The following SNRK variants were observed in gnomAD, a reference collection of about 807,000 sequenced individuals.
SNRK encodes SNF-related serine/threonine-protein kinase.
Under a neutral mutation model 48.2 loss-of-function variants are expected in SNRK, and 3 were observed. The ratio of observed to expected loss-of-function variants is 0.06; its 90% CI spans 0.03 to 0.16. The LOEUF is 0.16. Ranked by LOEUF, SNRK falls within the 10% of genes least tolerant of loss-of-function variation. SNRK has a pLI of 1.00. For synonymous variants in SNRK, 376 were observed against 366.1 expected, an observed-to-expected ratio of 1.03 and a Z score of -0.31; for missense variants, 627 against 976.0, an observed-to-expected ratio of 0.64 and a Z score of 4.76.
rs377035294 is a variant in SNRK, at chr3:43,329,737, A to G, written c.590-2432A>G. Among the ~76,000 whole-genome samples the G allele has an allele frequency of 1.8e-4, 27 of 152,292 alleles. 1 individual carries two copies. The East Asian group carries it at 5.2e-3, about 29-fold the overall frequency. On this transcript the variant is annotated intron_variant, in intron 3 of 6. Transcript: ENST00000296088. Reference sequence around the variant, plus strand: ...TTCTTTTTTATTATTCTAATCATGTATCACATCATAACAAGCCGAGTGTGT... The same window carrying G: ...TTCTTTTTTATTATTCTAATCATGTGTCACATCATAACAAGCCGAGTGTGT...
intron 4 of SNRK, among the ~76,000 whole-genome samples, chr3:43,337,381 G>A (rs771933769): frequency 5.3e-5 from 8 of 152,046 alleles, no homozygotes; most frequent in Non-Finnish European, 1.2e-4. Flanking sequence ...GGGGCCTCAT[G>A]TTTTTATACT....
chr3:43,324,015 A>C (rs1323953950), intron 3 of SNRK, among the ~76,000 whole-genome samples: 2 of 152,180 alleles, frequency 1.3e-5, no homozygotes, highest in Admixed American at 1.3e-4. Flanking sequence ...ATGTGACTGC[A>C]TTTGTCAGAA....
At chr3:43,312,857 TACACATCTAACAGA>T (rs144421659) in intron 3 of SNRK, among the ~76,000 whole-genome samples, 70 of 152,286 alleles carry the variant, frequency 4.6e-4, no homozygotes, top group African/African-American at 1.5e-3. Context: ...AATACCTAGA[TACACATCTAACAGA>T]ACACATCTAA....
intron 1 of SNRK, among the ~76,000 whole-genome samples, chr3:43,299,019 G>T (rs1335299905): frequency 6.6e-6 from 1 of 152,094 alleles, no homozygotes; most frequent in Non-Finnish European, 1.5e-5. Context: ...GGTGGTTTTG[G>T]TGCCAGGCTG....
At chr3:43,340,017 A>G (rs1020134601) in intron 4 of SNRK, among the ~76,000 whole-genome samples, 8 of 151,678 alleles carry the variant, frequency 5.3e-5, no homozygotes, top group Middle Eastern at 3.4e-3. Context: ...CAGTTAATTC[A>G]AGAACAGATG....
chr3:43,309,766 A>G (rs200374948), intron 3 of SNRK, among the ~76,000 whole-genome samples: 1 of 152,020 alleles, frequency 6.6e-6, no homozygotes, highest in East Asian at 1.9e-4. Flanking sequence ...ACAGGCGTGC[A>G]CCACCACATC....
rs766774373 is a variant in SNRK at position 43,348,350 on chromosome 3, G to A, written c.2091G>A (p.Gln697=). ...TTAGCTCCACAGGGAATGCAGGGCA[G>A]GTCCCTGCAGTGGGCGGCATAAAGT... ...MCISSTGNAG[Q]VPAVGGIKFF... is the part of the protein sequence containing the mutation. Residue 697 remains glutamine, a synonymous_variant, in exon 7 of 7, where the codon CAG becomes CAA. Transcript: ENST00000296088. The A allele has an allele frequency of 6.2e-7, 1 of 1,609,266 alleles. No individual in the cohort carries two copies. The highest frequency in any genetic ancestry group is 1.3e-5 in the African/African-American group (1 of 74,738).
intron 3 of SNRK, among the ~76,000 whole-genome samples, chr3:43,318,653 A>G (rs951906402): frequency 6.6e-5 from 10 of 152,116 alleles, no homozygotes; most frequent in Non-Finnish European, 1.3e-4. Flanking sequence ...TTCTAACACA[A>G]ATTTGGAATT....
At chr3:43,342,248 G>A (rs2091243227) in intron 5 of SNRK, among the ~76,000 whole-genome samples, 1 of 152,128 alleles carries the variant, frequency 6.6e-6, no homozygotes, top group Admixed American at 6.5e-5. Flanking sequence ...CCGATAGCTG[G>A]GTGAGCGTCT....
intron 3 of SNRK, among the ~76,000 whole-genome samples, chr3:43,330,272 G>A (rs1337153065): frequency 6.6e-6 from 1 of 152,056 alleles, no homozygotes; most frequent in Non-Finnish European, 1.5e-5. Context: ...GCTGTGGAGG[G>A]ATAGCCAAGT....
At chr3:43,294,243 TTGAG>T (rs1369187945) in intron 1 of SNRK, among the ~76,000 whole-genome samples, 3 of 152,228 alleles carry the variant, frequency 2.0e-5, no homozygotes, top group Non-Finnish European at 4.4e-5. Context: ...TTGAGACAGA[TTGAG>T]TATCTCTTGT....
At chr3:43,299,732 CT>C (rs913366499) in intron 1 of SNRK, 21 bp from the exon 2 acceptor site, 1 of 152,576 alleles carries the variant, frequency 6.6e-6, no homozygotes, top group Non-Finnish European at 1.5e-5. Context: ...AAACCTGTAT[CT>C]TTTTCTTTAT....
chr3:43,318,545 C>CT (rs56922397), intron 3 of SNRK, among the ~76,000 whole-genome samples: 36 of 145,670 alleles, frequency 2.5e-4, no homozygotes, highest in African/African-American at 8.1e-4. Flanking sequence ...ATTAAATTTT[C>CT]TTTTTTTTTT....
chr3:43,333,775 C>T (rs1285743867), intron 4 of SNRK, among the ~76,000 whole-genome samples: 1 of 152,076 alleles, frequency 6.6e-6, no homozygotes, highest in Non-Finnish European at 1.5e-5. Flanking sequence ...CCTGTGTACC[C>T]ATTATCTAGC....
intron 3 of SNRK, among the ~76,000 whole-genome samples, chr3:43,321,208 T>C (rs2091050889): frequency 6.6e-6 from 1 of 152,194 alleles, no homozygotes; most frequent in Non-Finnish European, 1.5e-5. Context: ...GAGAGAGAAC[T>C]TGAGTGTCCC....
In SNRK at chr3:43,347,861, G is replaced by A. The variant is rs1266735097; in HGVS notation, c.1602G>A (p.Arg534=). ...KRYHRRKSQG[R]GSSCSSSETS... is the part of the protein sequence containing the mutation. ...ACCACCGGAGGAAAAGTCAGGGCCG[G>A]GGCTCCAGCTGCAGTAGTTCGGAGA... The change falls in exon 7 of 7, where the codon CGG becomes CGA. Residue 534 remains arginine (R), a synonymous_variant. Transcript: ENST00000296088. The surrounding 1 kb of genome is among the most constrained non-coding windows in gnomAD (Gnocchi z 5.4). 6 of 1,614,078 alleles carry A rather than the reference G, an allele frequency of 3.7e-6. No homozygotes were observed. Among genetic ancestry groups the A allele is most frequent in the South Asian group, 3.3e-5 (3 of 91,088 alleles).
chr3:43,340,846 C>G (rs1460808012), intron 5 of SNRK, among the ~76,000 whole-genome samples: 1 of 152,200 alleles, frequency 6.6e-6, no homozygotes, highest in East Asian at 1.9e-4. Flanking sequence ...CCGGTCCCCA[C>G]AGTGATAGGG....
At chr3:43,312,078 G>A (rs1314004391) in intron 3 of SNRK, among the ~76,000 whole-genome samples, 1 of 152,090 alleles carries the variant, frequency 6.6e-6, no homozygotes, top group Non-Finnish European at 1.5e-5. Flanking sequence ...AAGGTTTGGA[G>A]TCTTCTAGGA....
intron 4 of SNRK, chr3:43,333,105 G>A (rs531196442): frequency 1.3e-5 from 2 of 152,170 alleles, no homozygotes; most frequent in Admixed American, 1.3e-4. Context: ...CCCCATCTCA[G>A]GTGGATGTTT....
Sources: gnomAD v4.1 joint callset for allele counts (sites outside exome capture counted in the v4.1 genomes callset) on GRCh38, gnomAD v4.1.1 for gene constraint, Gnocchi (gnomAD v3.1) non-coding constraint, MANE v1.5 for transcripts, NCBI Gene and HGNC (gene_info 2026-07-23, HGNC 2026-07-21) for gene names.